GABRR2: variants seen among roughly 807,000 people sequenced by gnomAD.
GABRR2 encodes the protein gamma-aminobutyric acid type A receptor subunit rho2, also known as gamma-aminobutyric acid receptor subunit rho-2.
In GABRR2, 36 loss-of-function variants were observed where a neutral mutation model predicts 47.0. The ratio of observed to expected loss-of-function variants is 0.77; its 90% CI spans 0.59 to 1.01. The LOEUF (loss-of-function observed/expected upper bound fraction) is 1.01, where lower values mean the gene tolerates loss of function less well. Among genes scored for constraint, GABRR2 ranks in the 50% least tolerant of loss-of-function variants. GABRR2 has a pLI of 0.00. For synonymous variants in GABRR2, 204 were observed against 227.5 expected, an observed-to-expected ratio of 0.90 and a Z score of 0.93; for missense variants, 587 against 594.6, an observed-to-expected ratio of 0.99 and a Z score of 0.13.
At chr6:89,301,863 G>C in intron 1 of GABRR2, 1 of 1,143,000 alleles carries the variant, frequency 8.7e-7, no homozygotes, top group Non-Finnish European at 1.3e-6. Context: ...TCAGTGATGA[G>C]CATGGCATAG....
At chr6:89,310,272 T>C (rs899020975) in intron 1 of GABRR2, among the ~76,000 whole-genome samples, 1 of 152,152 alleles carries the variant, frequency 6.6e-6, no homozygotes, top group Non-Finnish European at 1.5e-5. Flanking sequence ...CCCTCTTGCC[T>C]ACTTATGCCC....
At chr6:89,271,535 C>T in intron 3 of GABRR2, 120 bp downstream of exon 3, 1 of 819,046 alleles carries the variant, frequency 1.2e-6, no homozygotes, top group Non-Finnish European at 2.0e-6. Context: ...CCAGGGCCGA[C>T]TTCCAAGCGC....
chr6:89,265,563 A>T, intron 7 of GABRR2, 50 bp downstream of exon 7: 1 of 1,551,336 alleles, frequency 6.4e-7, no homozygotes, highest in Non-Finnish European at 8.7e-7. Context: ...AAACATAGTG[A>T]TAAGTTGAAA....
intron 1 of GABRR2, chr6:89,302,595 A>T: frequency 9.0e-7 from 1 of 1,112,694 alleles, no homozygotes; most frequent in South Asian, 1.2e-5. Context: ...AAGCCCGGGC[A>T]GCCAGCATTA....
Position 89,257,456 on chromosome 6 carries a change from G to A in GABRR2, c.*214C>T, listed in dbSNP as rs775584522. The A allele has an allele frequency of 2.6e-5, 15 of 571,892 alleles. No homozygotes were observed. Among genetic ancestry groups the A allele is most frequent in the South Asian group, 4.4e-5 (2 of 45,614 alleles). 35.4% of individuals were successfully genotyped at this position (571,892 alleles called of 1,614,324 possible). Reference sequence around the variant, plus strand: ...GTCCCAGAGAGATGTGAAGTGTGACGCGAGACAGCATGAACATGGAGCAGC... The same window carrying A: ...GTCCCAGAGAGATGTGAAGTGTGACACGAGACAGCATGAACATGGAGCAGC... On this transcript the variant is annotated 3_prime_UTR_variant, in exon 9 of 9. Coordinates refer to ENST00000402938, the MANE Select transcript of GABRR2 (RefSeq NM_002043.5).
At chr6:89,302,818 A>T (rs1767480226) in intron 1 of GABRR2, 8 of 1,420,026 alleles carry the variant, frequency 5.6e-6, no homozygotes, top group Non-Finnish European at 7.8e-6. Flanking sequence ...ATGAAGGTGG[A>T]CGTGTGTGAC....
At chr6:89,262,056 C>T (rs1462910345) in intron 8 of GABRR2, among the ~76,000 whole-genome samples, 1 of 151,340 alleles carries the variant, frequency 6.6e-6, no homozygotes, top group Admixed American at 6.6e-5. Flanking sequence ...ATTTGCAGCT[C>T]ACCAACCATC....
At chr6:89,261,298 A>G (rs770212465) in intron 8 of GABRR2, among the ~76,000 whole-genome samples, 5 of 152,212 alleles carry the variant, frequency 3.3e-5, no homozygotes, top group Non-Finnish European at 7.4e-5. Context: ...AAACAAGTCA[A>G]TTTTCTGAAG....
chr6:89,303,236 C>T lies in GABRR2; in HGVS notation c.114-3371G>A, dbSNP rs143549339. ...CTTTCCCCCACCAGCTTGTCACTCA[C>T]GCTAGGGCTCCCTTGCCACCCTCCT... is the stretch of plus-strand genomic sequence containing the variant. On this transcript the variant is annotated intron_variant, in intron 1 of 8. Coordinates refer to ENST00000402938, the MANE Select transcript of GABRR2 (RefSeq NM_002043.5). The T allele has an allele frequency of 6.4e-3, 2,306 of 363,116 alleles. 45 individuals are homozygous for T. The highest frequency in any genetic ancestry group is 0.044 in the African/African-American group (2,053 of 46,858). The allele number at this position is 363,116 out of a possible 1,614,324, so 22.5% of individuals were successfully genotyped here.
intron 1 of GABRR2, among the ~76,000 whole-genome samples, chr6:89,300,761 A>AAG (rs1400599099): frequency 6.6e-6 from 1 of 150,864 alleles, no homozygotes; most frequent in African/African-American, 2.4e-5. Flanking sequence ...AAAAAAAAAA[A>AAG]AAAAAGGCCC....
intron 1 of GABRR2, among the ~76,000 whole-genome samples, chr6:89,307,033 C>A (rs1321150283): frequency 6.6e-6 from 1 of 152,138 alleles, no homozygotes; most frequent in Non-Finnish European, 1.5e-5. Flanking sequence ...TAGCACAATG[C>A]CCGGCATGTA....
chr6:89,292,789 ATATATCG>A (rs1774485554), intron 2 of GABRR2, among the ~76,000 whole-genome samples: 5 of 11,106 alleles, frequency 4.5e-4, no homozygotes, highest in African/African-American at 2.6e-3. Flanking sequence ...CGTATATACG[ATATATCG>A]TATATATCGT....
chr6:89,290,264 C>T (rs1267916429), intron 2 of GABRR2, among the ~76,000 whole-genome samples: 3 of 152,216 alleles, frequency 2.0e-5, no homozygotes, highest in Non-Finnish European at 4.4e-5. Context: ...GCAGACTGGG[C>T]CCAGCACATG....
intron 2 of GABRR2, among the ~76,000 whole-genome samples, chr6:89,287,934 G>T (rs1167417807): frequency 1.3e-5 from 2 of 152,188 alleles, no homozygotes; most frequent in African/African-American, 4.8e-5. Context: ...ACTTTATGAG[G>T]CAATTAAGGA....
At chr6:89,283,672 T>G (rs955812201) in intron 2 of GABRR2, among the ~76,000 whole-genome samples, 5 of 152,170 alleles carry the variant, frequency 3.3e-5, no homozygotes, top group African/African-American at 4.8e-5. Flanking sequence ...AAAAAGATTT[T>G]TATAGGCATC....
intron 2 of GABRR2, among the ~76,000 whole-genome samples, chr6:89,293,532 T>C (rs1774505193): frequency 6.6e-6 from 1 of 152,236 alleles, no homozygotes; most frequent in African/African-American, 2.4e-5. Context: ...TTCATGTTCA[T>C]GCCTAGCACT....
At chr6:89,302,968 A>G (rs1767483574) in intron 1 of GABRR2, 1 of 1,293,300 alleles carries the variant, frequency 7.7e-7, no homozygotes, top group Non-Finnish European at 1.1e-6. Flanking sequence ...GGGCAAGGGC[A>G]TGGACGAGAT....
At chr6:89,288,608 T>C (rs2127842900) in intron 2 of GABRR2, among the ~76,000 whole-genome samples, 1 of 152,320 alleles carries the variant, frequency 6.6e-6, no homozygotes, top group South Asian at 2.1e-4. Flanking sequence ...GGGTGGCTTA[T>C]TATGCAGGAG....
At chr6:89,301,890 C>T (rs1312630613) in intron 1 of GABRR2, 3 of 1,138,974 alleles carry the variant, frequency 2.6e-6, no homozygotes, top group African/African-American at 1.5e-5. Context: ...GCGGCAACTA[C>T]GTGGGGAACT....
Sources: gnomAD v4.1 joint callset for allele counts (sites outside exome capture counted in the v4.1 genomes callset) on GRCh38, gnomAD v4.1.1 for gene constraint, MANE v1.5 for transcripts, NCBI Gene and HGNC (gene_info 2026-07-23, HGNC 2026-07-21) for gene names.